The following TCEA2 variants were observed in gnomAD, a reference collection of about 807,000 sequenced individuals.
The protein encoded by TCEA2 is transcription elongation factor A2, also known as transcription elongation factor A protein 2.
Under a neutral mutation model 40.8 loss-of-function variants are expected in TCEA2, and 21 were observed. The observed-to-expected ratio is 0.51, with a 90% CI of 0.36 to 0.74. The LOEUF is 0.74. Ranked by LOEUF, TCEA2 falls within the 30% of genes least tolerant of loss-of-function variation. The probability of loss-of-function intolerance (pLI) is 0.00; values close to 1 mark genes in which losing one functional copy is unlikely to be tolerated. For missense variants in TCEA2, 326 were observed against 426.5 expected, an observed-to-expected ratio of 0.76 and a Z score of 2.08; for synonymous variants, 165 against 162.7, an observed-to-expected ratio of 1.01 and a Z score of -0.11.
In TCEA2 at chr20:64,070,429, G is replaced by T. The variant is rs995822137; in HGVS notation, c.672+15G>T. The T allele has an allele frequency of 3.7e-6, 6 of 1,613,988 alleles. No individual in the cohort carries two copies. Among genetic ancestry groups the T allele is most frequent in the Non-Finnish European group, 5.1e-6 (6 of 1,179,968 alleles). ...TGACCTCAGAGGTGAGCCCCTGTTG[G>T]AGGGGCTGGAGGGCTGCTCCCTCGG... On this transcript the variant is annotated intron_variant, in intron 7 of 9. Transcript: ENST00000343484.
intron 1 of TCEA2, among the ~76,000 whole-genome samples, chr20:64,057,902 G>T (rs2059494485): frequency 6.6e-6 from 1 of 152,156 alleles, no homozygotes; most frequent in Admixed American, 6.5e-5. Context: ...CTTGGGGGTG[G>T]GGTGGTGGTG....
At chr20:64,065,981 ACAGCTGG>A (rs2059686210) in intron 1 of TCEA2, 1 of 152,470 alleles carries the variant, frequency 6.6e-6, no homozygotes, top group Non-Finnish European at 1.4e-5. Context: ...TTGGCCCTTC[ACAGCTGG>A]TGGGCGGGGG....
In TCEA2 at chr20:64,058,188, G is replaced by C. The variant is rs2059499150; in HGVS notation, c.-84+537G>C. ...ACCTCTTCTGCTAACCCCCTTCCCT[G>C]CCTGTCCCGTCCGCTCCTTTCTCTC... On this transcript the variant is annotated intron_variant, in intron 1 of 10. Coordinates refer to the TCEA2 transcript ENST00000361317. The surrounding 1 kb of genome is among the most constrained non-coding windows in gnomAD (Gnocchi z 6.7). Among the ~76,000 whole-genome samples, 1 of 152,136 alleles carries C rather than the reference G, an allele frequency of 6.6e-6. No homozygotes were observed. The highest frequency in any genetic ancestry group is 1.5e-5 in the Non-Finnish European group (1 of 68,014).
Position 64,066,466 on chromosome 20 carries a change from C to T in TCEA2, c.73-10C>T. The T allele has an allele frequency of 6.2e-7, 1 of 1,613,340 alleles. No individual in the cohort carries two copies. The highest frequency in any genetic ancestry group is 8.5e-7 in the Non-Finnish European group (1 of 1,179,398). Reference sequence around the variant, plus strand: ...AAAGTCCTTTATGAAGGTCCTCCTTCTCCTTCCAGGAGGGAGCCATGGATT... The same window carrying T: ...AAAGTCCTTTATGAAGGTCCTCCTTTTCCTTCCAGGAGGGAGCCATGGATT... On this transcript the variant is annotated splice_polypyrimidine_tract_variant and intron_variant, in intron 1 of 9. Coordinates refer to ENST00000343484, the MANE Select transcript of TCEA2 (RefSeq NM_003195.6).
intron 4 of TCEA2, 107 bp downstream of exon 4, chr20:64,068,241 A>G (rs1027894104): frequency 9.8e-7 from 1 of 1,016,582 alleles, no homozygotes; most frequent in African/African-American, 1.6e-5. Flanking sequence ...TTGAGGCTGC[A>G]CACAGAGTCG....
rs556193008 is a variant in TCEA2 at position 64,058,001 on chromosome 20, C to T, written c.-84+350C>T. Reference sequence around the variant, plus strand: ...CTGGGGCCAGTCACCTGCCTCTGCCCGGGGGCGGGACCATCCCACCGGATT... The same window carrying T: ...CTGGGGCCAGTCACCTGCCTCTGCCTGGGGGCGGGACCATCCCACCGGATT... On this transcript the variant is annotated intron_variant, in intron 1 of 10. Transcript: ENST00000361317. The surrounding 1 kb of genome is among the most constrained non-coding windows in gnomAD (Gnocchi z 6.7). Among the ~76,000 whole-genome samples, 17 of 152,268 alleles carry T rather than the reference C, an allele frequency of 1.1e-4. No homozygotes were observed. The highest frequency in any genetic ancestry group is 4.1e-4 in the South Asian group (2 of 4,828).
chr20:64,068,049 G>A lies in TCEA2; in HGVS notation c.244G>A (p.Ala82Thr). ...LIKSWKKLLD[A>T]SDAKARERGR... ...CCCATCCCCGATCTTTCCTGCAGAT[G>A]CTTCCGATGCCAAAGCCAGGGAGCG... The change falls in exon 4 of 10, where the codon GCT becomes ACT. Residue 82 changes from alanine (A) to threonine (T), a missense_variant and splice_region_variant. Coordinates refer to ENST00000343484, the MANE Select transcript of TCEA2 (RefSeq NM_003195.6). The A allele has an allele frequency of 1.2e-6, 2 of 1,604,482 alleles. No individual in the cohort carries two copies. Among genetic ancestry groups the A allele is most frequent in the Non-Finnish European group, 1.7e-6 (2 of 1,176,042 alleles).
At chr20:64,060,811 C>T (rs541670977), upstream of TCEA2, among the ~76,000 whole-genome samples, 15 of 150,522 alleles carry the variant, frequency 1.0e-4, no homozygotes, top group South Asian at 1.5e-3. Context: ...TTTTTTTTTG[C>T]GACGAGTCTC....
At chr20:64,056,356 C>T (rs2059473216), upstream of TCEA2, among the ~76,000 whole-genome samples, 2 of 152,200 alleles carry the variant, frequency 1.3e-5, no homozygotes, top group Admixed American at 1.3e-4. Flanking sequence ...ACTTGCTGGA[C>T]CTAAGCCCCG....
At chr20:64,058,940 C>T (rs1397797181), upstream of TCEA2, among the ~76,000 whole-genome samples, 1 of 152,114 alleles carries the variant, frequency 6.6e-6, no homozygotes, top group Non-Finnish European at 1.5e-5. This position sits in a 1 kb window ranked among gnomAD's most constrained non-coding sequence, Gnocchi z 6.7. Context: ...CCTGTAATCC[C>T]AGCACTTTGG....
At chr20:64,071,763 A>T (rs1201820180) in intron 8 of TCEA2, 107 bp from the exon 9 acceptor site, 3 of 1,345,162 alleles carry the variant, frequency 2.2e-6, no homozygotes, top group Non-Finnish European at 3.1e-6. Context: ...GGATCAGGTC[A>T]CCTGTGGGAG....
intron 8 of TCEA2, 128 bp from the exon 9 acceptor site, chr20:64,071,742 G>A (rs2059842476): frequency 2.8e-6 from 3 of 1,068,284 alleles, no homozygotes; most frequent in Non-Finnish European, 4.0e-6. Context: ...TTGGAGTCAC[G>A]AGGCGGCCTC....
chr20:64,070,317 G>C lies in TCEA2; in HGVS notation c.575G>C (p.Arg192Pro). 6.2e-7 allele frequency: 1 copy of C among 1,614,202 alleles called. No homozygotes were observed. Residue 192 changes from arginine to proline, a missense_variant, in exon 7 of 10, where the codon CGT becomes CCT. Transcript: ENST00000343484. ...DMKYKNRVRS[R>P]ISNLKDAKNP... ...AAGTATAAGAACCGTGTACGGAGTC[G>C]TATCTCCAACCTGAAGGATGCCAAG...
intron 9 of TCEA2, 98 bp downstream of exon 9, chr20:64,072,039 C>T: frequency 6.3e-7 from 1 of 1,595,976 alleles, no homozygotes; most frequent in Non-Finnish European, 8.6e-7. Flanking sequence ...GGGGATGGCC[C>T]TGCCCAACCA....
At chr20:64,063,100 G>C (rs1031553537), upstream of TCEA2, 2 of 292,374 alleles carry the variant, frequency 6.8e-6, no homozygotes, top group Non-Finnish European at 6.1e-6. Context: ...TCCAGAGCGC[G>C]GGCGCGGCGG....
chr20:64,059,118 G>A (rs1442594601), upstream of TCEA2, among the ~76,000 whole-genome samples: 2 of 150,798 alleles, frequency 1.3e-5, no homozygotes, highest in African/African-American at 4.9e-5. Context: ...GCTTGAACCT[G>A]GGATGCGGAG....
At position 64,070,408 on chromosome 20, in the gene TCEA2, C is replaced by T. The variant is rs779931050; in HGVS notation, c.666C>T (p.Thr222=). 5.0e-6 allele frequency: 8 copies of T among 1,614,164 alleles called. No individual in the cohort carries two copies. Among genetic ancestry groups the T allele is most frequent in the Non-Finnish European group, 5.9e-6 (7 of 1,180,034 alleles). Residue 222 remains threonine, a synonymous_variant, in exon 7 of 10, where the codon ACC becomes ACT. Coordinates refer to ENST00000343484, the MANE Select transcript of TCEA2 (RefSeq NM_003195.6). ...CACCCCAGCAGATCGCTGTGATGAC[C>T]TCAGAGGTGAGCCCCTGTTGGAGGG... ...AITPQQIAVM[T]SEEMASDELK...
rs577732293 is a variant in TCEA2 at position 64,058,144 on chromosome 20, C to T, written c.-84+493C>T. Among the ~76,000 whole-genome samples the T allele has an allele frequency of 9.2e-5, 14 of 152,306 alleles. No individual in the cohort carries two copies. The highest frequency in any genetic ancestry group is 1.3e-4 in the Admixed American group (2 of 15,302). On this transcript the variant is annotated intron_variant, in intron 1 of 10. Coordinates refer to the TCEA2 transcript ENST00000361317. The surrounding 1 kb of genome is among the most constrained non-coding windows in gnomAD (Gnocchi z 6.7). ...CTGTCATAGCGGAGTGGCTGCGGCC[C>T]GCAGGTCAGAGGCACCCGACCTCTT...
chr20:64,056,386 G>GA (rs1479428693), upstream of TCEA2, among the ~76,000 whole-genome samples: 1 of 152,152 alleles, frequency 6.6e-6, no homozygotes, highest in Admixed American at 6.5e-5. Flanking sequence ...TGCTGGTGGG[G>GA]GCATCCAAGG....
Sources: gnomAD v4.1 joint callset for allele counts (sites outside exome capture counted in the v4.1 genomes callset) on GRCh38, gnomAD v4.1.1 for gene constraint, Gnocchi (gnomAD v3.1) non-coding constraint, MANE v1.5 for transcripts, NCBI Gene and HGNC (gene_info 2026-07-23, HGNC 2026-07-21) for gene names.